PTPRG: variants seen among roughly 807,000 people sequenced by gnomAD.
The protein encoded by PTPRG is receptor-type tyrosine-protein phosphatase gamma.
A neutral mutation model predicts 165.3 loss-of-function variants in PTPRG; 102 were observed. The ratio of observed to expected loss-of-function variants is 0.62; its 90% confidence interval spans 0.53 to 0.73. PTPRG has a LOEUF of 0.73. PTPRG is among the 30% of genes least tolerant of loss of function. The pLI is 0.00. For missense variants in PTPRG, 1,866 were observed against 1,861.4 expected (o/e 1.00, Z -0.05); for synonymous variants, 675 against 669.5 (o/e 1.01, Z -0.13).
At chr3:61,963,820 A>G (rs1351887602) in intron 2 of PTPRG, among the ~76,000 whole-genome samples, 4 of 152,126 alleles carry the variant, frequency 2.6e-5, no homozygotes, top group Non-Finnish European at 5.9e-5. Flanking sequence ...ATCTTAACCT[A>G]AACAATGGAA....
intron 1 of PTPRG, among the ~76,000 whole-genome samples, chr3:61,594,158 T>G (rs1700639142): frequency 6.6e-6 from 1 of 152,152 alleles, no homozygotes; most frequent in African/African-American, 2.4e-5. Flanking sequence ...ATTGAGTGAA[T>G]AAGTATTTGG....
intron 2 of PTPRG, among the ~76,000 whole-genome samples, chr3:61,781,689 ATTATTATGAGATG>A (rs941930778): frequency 2.6e-5 from 4 of 152,104 alleles, no homozygotes; most frequent in Admixed American, 2.6e-4. Context: ...TTTCAATTGA[ATTATTATGAGATG>A]TTGATTACTA....
intron 1 of PTPRG, among the ~76,000 whole-genome samples, chr3:61,674,185 A>AT (rs200292804): frequency 0.017 from 1,079 of 61,984 alleles, 12 homozygotes; most frequent in African/African-American, 0.13. Context: ...AATAATAATA[A>AT]AAAAAAAAAA....
intron 5 of PTPRG, among the ~76,000 whole-genome samples, chr3:62,098,752 A>G (rs114902737): frequency 7.9e-4 from 120 of 152,312 alleles, no homozygotes; most frequent in African/African-American, 2.8e-3. Flanking sequence ...TGAATATTCT[A>G]GAAGACATGC....
At chr3:62,072,872 G>A (rs1004067787) in intron 4 of PTPRG, among the ~76,000 whole-genome samples, 7 of 152,024 alleles carry the variant, frequency 4.6e-5, no homozygotes, top group Non-Finnish European at 7.4e-5. Flanking sequence ...CTAAGTCTTC[G>A]AATAACCTTT....
intron 12 of PTPRG, among the ~76,000 whole-genome samples, chr3:62,212,329 G>A (rs1478185604): frequency 3.3e-5 from 5 of 152,150 alleles, no homozygotes; most frequent in African/African-American, 1.2e-4. Context: ...GTGCTGAGGA[G>A]AATGGACTAT....
chr3:61,735,005 G>A (rs909652437), intron 1 of PTPRG, among the ~76,000 whole-genome samples: 1 of 152,084 alleles, frequency 6.6e-6, no homozygotes, highest in African/African-American at 2.4e-5. Flanking sequence ...AAAAAGCATA[G>A]CCAAAAAAGA....
intron 6 of PTPRG, among the ~76,000 whole-genome samples, chr3:62,143,495 G>A (rs1458367386): frequency 6.6e-6 from 1 of 151,830 alleles, no homozygotes; most frequent in Non-Finnish European, 1.5e-5. Context: ...CTAAGGTGCT[G>A]AGGGTAAAAT....
chr3:61,590,158 C>T (rs1477647403), intron 1 of PTPRG, among the ~76,000 whole-genome samples: 1 of 151,440 alleles, frequency 6.6e-6, no homozygotes, highest in Non-Finnish European at 1.5e-5. Flanking sequence ...GATGGATGGG[C>T]CAGGAGCATG....
intron 1 of PTPRG, among the ~76,000 whole-genome samples, chr3:61,569,220 A>T (rs1462353641): frequency 6.6e-6 from 1 of 152,210 alleles, no homozygotes; most frequent in Non-Finnish European, 1.5e-5. Flanking sequence ...GGCTATTGAG[A>T]GTTATACAGA....
chr3:62,234,435 G>A (rs537623235), intron 14 of PTPRG, among the ~76,000 whole-genome samples: 1 of 152,168 alleles, frequency 6.6e-6, no homozygotes, highest in African/African-American at 2.4e-5. Flanking sequence ...ACCAAGGTGG[G>A]CTTCTCTCTG....
intron 4 of PTPRG, among the ~76,000 whole-genome samples, chr3:62,006,182 C>G (rs2041294661): frequency 6.6e-6 from 1 of 152,036 alleles, no homozygotes; most frequent in Non-Finnish European, 1.5e-5. Flanking sequence ...GTAAGGCTGC[C>G]TATATCAATT....
chr3:61,997,256 C>T (rs984649540), intron 3 of PTPRG, among the ~76,000 whole-genome samples: 2 of 152,160 alleles, frequency 1.3e-5, no homozygotes, highest in Non-Finnish European at 2.9e-5. Context: ...TCCTCCCAGG[C>T]CTTCTCCACA....
At chr3:61,887,128 A>ACTTTAAATATTTTTTATATT (rs2038063827) in intron 2 of PTPRG, among the ~76,000 whole-genome samples, 1 of 11,344 alleles carries the variant, frequency 8.8e-5, no homozygotes. Flanking sequence ...GCATGCATAT[A>ACTTTAAATATTTTTTATATT]TATATATATA....
intron 7 of PTPRG, among the ~76,000 whole-genome samples, chr3:62,158,408 A>G (rs1436113986): frequency 6.6e-6 from 1 of 152,200 alleles, no homozygotes; most frequent in Non-Finnish European, 1.5e-5. Context: ...ACTGGAAGGT[A>G]CTTAGGATGT....
chr3:62,179,185 G>A (rs1316431263), intron 8 of PTPRG, among the ~76,000 whole-genome samples: 6 of 152,140 alleles, frequency 3.9e-5, no homozygotes, highest in African/African-American at 1.2e-4. Context: ...TGCCCCTGAA[G>A]CCTGAAAATC....
At chr3:62,187,927 C>A (rs192044572) in intron 8 of PTPRG, among the ~76,000 whole-genome samples, 1 of 152,210 alleles carries the variant, frequency 6.6e-6, no homozygotes, top group East Asian at 1.9e-4. Context: ...CCTGTTAGAG[C>A]GAGGCCAGAT....
chr3:62,038,366 A>G (rs987551307), intron 4 of PTPRG, among the ~76,000 whole-genome samples: 1 of 152,210 alleles, frequency 6.6e-6, no homozygotes, highest in Admixed American at 6.5e-5. Flanking sequence ...ATCATTGCTT[A>G]TCTAATGAAT....
chr3:61,704,330 C>T (rs2031137411), intron 1 of PTPRG, among the ~76,000 whole-genome samples: 1 of 152,150 alleles, frequency 6.6e-6, no homozygotes. Flanking sequence ...GGCTTGGGCA[C>T]TATTGGACAC....
Sources: gnomAD v4.1 joint callset for allele counts (sites outside exome capture counted in the v4.1 genomes callset) on GRCh38, gnomAD v4.1.1 for gene constraint, MANE v1.5 for transcripts, NCBI Gene and HGNC (gene_info 2026-07-23, HGNC 2026-07-21) for gene names.